The following LIN28B variants were observed in gnomAD, a reference collection of about 807,000 sequenced individuals.
LIN28B encodes lin-28 RNA binding posttranscriptional regulator B.
LIN28B carries 5 observed loss-of-function variants against 21.9 expected under a neutral mutation model. The observed-to-expected ratio is 0.23, with a 90% CI of 0.12 to 0.48. LIN28B has a LOEUF of 0.48. LIN28B is among the 20% of genes least tolerant of loss of function. The probability of loss-of-function intolerance (pLI) is 0.98; values close to 1 mark genes in which losing one functional copy is unlikely to be tolerated. For missense variants in LIN28B, 245 were observed against 310.5 expected, an observed-to-expected ratio of 0.79 and a Z score of 1.58; for synonymous variants, 109 against 111.3, an observed-to-expected ratio of 0.98 and a Z score of 0.13.
intron 2 of LIN28B, among the ~76,000 whole-genome samples, chr6:105,020,026 T>A (rs1771103614): frequency 6.6e-6 from 1 of 151,912 alleles, no homozygotes; most frequent in Admixed American, 6.6e-5. Flanking sequence ...GCCATTACTA[T>A]CTGGAGCCCT....
chr6:105,065,051 G>T (rs1340422750), intron 3 of LIN28B, among the ~76,000 whole-genome samples: 1 of 152,154 alleles, frequency 6.6e-6, no homozygotes, highest in East Asian at 1.9e-4. Flanking sequence ...GATTCTCCAG[G>T]GATTCAACGG....
At position 105,011,569 on chromosome 6, in the gene LIN28B, T is replaced by C. The variant is rs140145484; in HGVS notation, c.199-14729T>C. Among the ~76,000 whole-genome samples, 19 of 152,320 alleles carry C rather than the reference T, an allele frequency of 1.2e-4. No homozygotes were observed. The East Asian group carries it at 3.1e-3, about 25-fold the overall frequency. Reference sequence around the variant, plus strand: ...CCTTCTTTACATCACCCTGTGGGAATTGAAGCAACTGCTCTTGTTAAAAAA... The same window carrying C: ...CCTTCTTTACATCACCCTGTGGGAACTGAAGCAACTGCTCTTGTTAAAAAA... On this transcript the variant is annotated intron_variant, in intron 2 of 3. Transcript: ENST00000345080.
chr6:105,064,422 A>G (rs1425399839), intron 3 of LIN28B, among the ~76,000 whole-genome samples: 2 of 152,158 alleles, frequency 1.3e-5, no homozygotes. Flanking sequence ...AAGAAAAATG[A>G]TGTTGTATTT....
At chr6:104,987,996 G>A (rs564205439) in intron 2 of LIN28B, among the ~76,000 whole-genome samples, 39 of 152,190 alleles carry the variant, frequency 2.6e-4, no homozygotes, top group South Asian at 4.1e-4. Context: ...TGCCTACCTC[G>A]GCTTCCCAAA....
At chr6:104,978,483 A>G (rs1191511719) in intron 2 of LIN28B, among the ~76,000 whole-genome samples, 1 of 152,016 alleles carries the variant, frequency 6.6e-6, no homozygotes, top group East Asian at 1.9e-4. Flanking sequence ...CAGTAACACT[A>G]ATTTTATAGG....
At chr6:105,048,453 T>C (rs1771817717) in intron 3 of LIN28B, among the ~76,000 whole-genome samples, 1 of 152,216 alleles carries the variant, frequency 6.6e-6, no homozygotes, top group Non-Finnish European at 1.5e-5. Flanking sequence ...GCATCGATGT[T>C]CATCAGGCAT....
Position 105,033,214 on chromosome 6 carries a change from T to G in LIN28B, c.383+6732T>G, listed in dbSNP as rs941608444. Among the ~76,000 whole-genome samples, 26 of 152,294 alleles carry G rather than the reference T, an allele frequency of 1.7e-4. 1 individual carries two copies. Among genetic ancestry groups the G allele is most frequent in the African/African-American group, 6.0e-4 (25 of 41,582 alleles). On this transcript the variant is annotated intron_variant, in intron 3 of 3. Transcript: ENST00000345080. ...GAATATCCTTTTTCTTGAAATGTTTTTAGATTAGAAAGTTTAGTTTCTGTC... is the reference window on the plus strand; with the variant it reads ...GAATATCCTTTTTCTTGAAATGTTTGTAGATTAGAAAGTTTAGTTTCTGTC...
At chr6:105,041,544 A>G (rs1037181870) in intron 3 of LIN28B, among the ~76,000 whole-genome samples, 4 of 152,078 alleles carry the variant, frequency 2.6e-5, no homozygotes, top group Admixed American at 6.6e-5. Context: ...GTTATTTTCT[A>G]GATAATTTGA....
chr6:105,013,515 A>T (rs548309782), intron 2 of LIN28B, among the ~76,000 whole-genome samples: 32 of 151,918 alleles, frequency 2.1e-4, no homozygotes, highest in Non-Finnish European at 3.8e-4. Flanking sequence ...AGGCAGGAGG[A>T]TTGCTTGAGC....
intron 3 of LIN28B, among the ~76,000 whole-genome samples, chr6:105,063,639 G>C (rs528957378): frequency 3.0e-5 from 4 of 133,726 alleles, no homozygotes; most frequent in South Asian, 2.4e-4. Flanking sequence ...CCATCTCGGG[G>C]GGGGGGGGGA....
At chr6:105,018,178 T>C (rs1356445140) in intron 2 of LIN28B, among the ~76,000 whole-genome samples, 2 of 152,088 alleles carry the variant, frequency 1.3e-5, no homozygotes, top group Non-Finnish European at 2.9e-5. Context: ...TCCTAGCTAC[T>C]TGAGAGGCTG....
intron 2 of LIN28B, among the ~76,000 whole-genome samples, chr6:104,939,985 T>C (rs571380007): frequency 6.6e-6 from 1 of 152,290 alleles, no homozygotes; most frequent in South Asian, 2.1e-4. Flanking sequence ...CCAAGCTAAA[T>C]ATGTGTATAT....
At chr6:105,053,714 C>CGTGTGTGTGTGTGTGTGT (rs59369365) in intron 3 of LIN28B, among the ~76,000 whole-genome samples, 53 of 147,386 alleles carry the variant, frequency 3.6e-4, no homozygotes, top group African/African-American at 1.3e-3. Flanking sequence ...TGTGTGGGTG[C>CGTGTGTGTGTGTGTGTGT]GTGTGTGTGT....
At chr6:104,991,838 C>G (rs1012437610) in intron 2 of LIN28B, among the ~76,000 whole-genome samples, 3 of 152,194 alleles carry the variant, frequency 2.0e-5, no homozygotes, top group African/African-American at 7.2e-5. Context: ...CAGCGAAACC[C>G]CGTCTCCACC....
intron 1 of LIN28B, 152 bp downstream of exon 1, chr6:104,957,412 T>G (rs1275369987): frequency 5.1e-6 from 3 of 583,160 alleles, no homozygotes; most frequent in Non-Finnish European, 9.0e-6. Context: ...CAGTGGGGCT[T>G]TCTGCAAACC....
chr6:105,016,252 A>G (rs1582897241), intron 2 of LIN28B, among the ~76,000 whole-genome samples: 1 of 152,076 alleles, frequency 6.6e-6, no homozygotes, highest in East Asian at 1.9e-4. Flanking sequence ...AAGGATAAAA[A>G]CAAAATACTC....
intron 3 of LIN28B, among the ~76,000 whole-genome samples, chr6:105,031,873 C>T (rs549998576): frequency 1.2e-4 from 19 of 152,182 alleles, no homozygotes; most frequent in Admixed American, 3.9e-4. Flanking sequence ...GTAGTCAGTA[C>T]CATCATCCAG....
intron 2 of LIN28B, among the ~76,000 whole-genome samples, chr6:105,014,697 T>C (rs1770993476): frequency 6.6e-6 from 1 of 152,142 alleles, no homozygotes; most frequent in African/African-American, 2.4e-5. Context: ...CAAGCAGTCT[T>C]CCTGCCTGGG....
intron 3 of LIN28B, among the ~76,000 whole-genome samples, chr6:105,027,685 CA>C (rs1272647275): frequency 6.6e-6 from 1 of 151,934 alleles, no homozygotes; most frequent in Admixed American, 6.6e-5. Flanking sequence ...GACTTTATTT[CA>C]TTTTCCAAAC....
Sources: gnomAD v4.1 joint callset for allele counts (sites outside exome capture counted in the v4.1 genomes callset) on GRCh38, gnomAD v4.1.1 for gene constraint, MANE v1.5 for transcripts, NCBI Gene and HGNC (gene_info 2026-07-23, HGNC 2026-07-21) for gene names.